The following PEPD variants were observed in gnomAD, a reference collection of about 807,000 sequenced individuals.
The protein encoded by PEPD is xaa-Pro dipeptidase.
Under a neutral mutation model 60.7 loss-of-function variants are expected in PEPD, and 53 were observed. The ratio of observed to expected loss-of-function variants is 0.87; its 90% CI spans 0.70 to 1.10. The LOEUF is 1.10. Among genes scored for constraint, PEPD ranks in the 50% least tolerant of loss-of-function variants. The pLI is 0.00. For missense variants in PEPD, 711 were observed against 711.9 expected (o/e 1.00, Z 0.01); for synonymous variants, 267 against 284.1 (o/e 0.94, Z 0.60).
intron 9 of PEPD, among the ~76,000 whole-genome samples, chr19:33,440,007 G>A (rs1798356989): frequency 6.6e-6 from 1 of 152,284 alleles, no homozygotes; most frequent in South Asian, 2.1e-4. Flanking sequence ...TGTGAGCCAA[G>A]TGTCTGCCAG....
intron 6 of PEPD, among the ~76,000 whole-genome samples, chr19:33,485,221 C>T (rs551429198): frequency 2.2e-4 from 33 of 152,164 alleles, no homozygotes; most frequent in Middle Eastern, 3.4e-3. Context: ...TGGCTGGGCG[C>T]GCTGACTCAC....
At chr19:33,493,268 C>A (rs1343123683) in intron 5 of PEPD, 22 bp downstream of exon 5, 3 of 1,586,664 alleles carry the variant, frequency 1.9e-6, no homozygotes, top group Non-Finnish European at 2.6e-6. Context: ...CACTGCCCCA[C>A]CCCTGGACAC....
chr19:33,510,880 T>C (rs1966999227), intron 3 of PEPD, 148 bp downstream of exon 3: 1 of 796,776 alleles, frequency 1.3e-6, no homozygotes, highest in Non-Finnish European at 2.1e-6. Flanking sequence ...AGAGGCAGGC[T>C]GTGACAGCCC....
At chr19:33,484,176 T>C (rs1001468508) in intron 6 of PEPD, among the ~76,000 whole-genome samples, 3 of 152,178 alleles carry the variant, frequency 2.0e-5, no homozygotes, top group Non-Finnish European at 4.4e-5. Context: ...TTATGAAATA[T>C]CAAAGAGACT....
At chr19:33,470,133 G>A (rs1252919010) in intron 7 of PEPD, among the ~76,000 whole-genome samples, 1 of 151,876 alleles carries the variant, frequency 6.6e-6, no homozygotes, top group Non-Finnish European at 1.5e-5. Context: ...ACGGCCAAGG[G>A]CTGCCACTCC....
intron 9 of PEPD, among the ~76,000 whole-genome samples, chr19:33,461,428 G>A (rs1025600012): frequency 5.3e-5 from 8 of 152,146 alleles, no homozygotes; most frequent in African/African-American, 1.2e-4. Flanking sequence ...GGGCAGGGTC[G>A]GGCTCTGGGA....
chr19:33,446,574 G>C (rs1324665252), intron 9 of PEPD, among the ~76,000 whole-genome samples: 1 of 152,226 alleles, frequency 6.6e-6, no homozygotes, highest in Non-Finnish European at 1.5e-5. Flanking sequence ...GGGTGGCCGA[G>C]AGCCCCACAG....
Position 33,401,846 on chromosome 19 carries a change from TACTC to T in PEPD, c.838_841del (p.Glu280IlefsTer40). The T allele has an allele frequency of 6.2e-7, 1 of 1,613,192 alleles. No individual in the cohort carries two copies. Among genetic ancestry groups the T allele is most frequent in the Non-Finnish European group, 8.5e-7 (1 of 1,179,942 alleles). ...GGTGATGTCGGAAGCGAAGCAGTAA[TACTC>T]ACCGCCCATGTCGAACAGGCTGCGG... On this transcript the variant is annotated frameshift_variant, in exon 12 of 15. Transcript: ENST00000244137. LOFTEE classifies it high-confidence loss of function.
chr19:33,430,617 G>A (rs902558142), intron 9 of PEPD, among the ~76,000 whole-genome samples: 1 of 152,188 alleles, frequency 6.6e-6, no homozygotes, highest in South Asian at 2.1e-4. Flanking sequence ...GTTCTGTACT[G>A]ACTGGATTTC....
chr19:33,412,055 A>G (rs1042060140), intron 10 of PEPD, among the ~76,000 whole-genome samples: 1 of 152,222 alleles, frequency 6.6e-6, no homozygotes. Flanking sequence ...TGTAAAACTT[A>G]GCAATGGGCC....
At position 33,444,162 on chromosome 19, in the gene PEPD, G is replaced by A. The variant is rs1395042661; in HGVS notation, c.671+18833C>T. 3.9e-5 allele frequency among the ~76,000 whole-genome samples: 6 copies of A among 152,210 alleles called. No individual in the cohort carries two copies. In the South Asian group the frequency reaches 6.2e-4, roughly 16 times the overall value. ...ATCACACGCACATGCACACACACAC[G>A]CTGTATGTCCTCTGGCAGGCAGGGA... is the stretch of plus-strand genomic sequence containing the variant. On this transcript the variant is annotated intron_variant, in intron 9 of 14. Transcript: ENST00000244137.
chr19:33,475,204 G>C (rs1004200186), intron 7 of PEPD, among the ~76,000 whole-genome samples: 1 of 152,006 alleles, frequency 6.6e-6, no homozygotes, highest in African/African-American at 2.4e-5. Flanking sequence ...ACATGTGCCC[G>C]AGTTGATGGT....
At chr19:33,395,723 G>A (rs549329229) in intron 12 of PEPD, among the ~76,000 whole-genome samples, 4 of 152,332 alleles carry the variant, frequency 2.6e-5, no homozygotes, top group East Asian at 3.9e-4. Flanking sequence ...GGGCCTGACC[G>A]AGCTACAAAG....
intron 7 of PEPD, among the ~76,000 whole-genome samples, chr19:33,466,748 T>C (rs1046008738): frequency 2.7e-5 from 4 of 149,864 alleles, no homozygotes; most frequent in African/African-American, 9.8e-5. Context: ...ATGTTGCTTT[T>C]GTACTAATGA....
chr19:33,396,010 C>A (rs1043187815), intron 12 of PEPD: 18 of 152,436 alleles, frequency 1.2e-4, no homozygotes, highest in African/African-American at 4.3e-4. Context: ...TGTGTTGGCC[C>A]AGGCTGCTCC....
intron 6 of PEPD, among the ~76,000 whole-genome samples, chr19:33,479,596 A>G (rs1324308822): frequency 6.6e-6 from 1 of 152,044 alleles, no homozygotes; most frequent in Non-Finnish European, 1.5e-5. Context: ...AATAGGCCCC[A>G]GTGTGTGTTG....
intron 14 of PEPD, 150 bp downstream of exon 14, chr19:33,387,740 C>T: frequency 1.3e-6 from 1 of 786,628 alleles, no homozygotes. Context: ...GGGTGAGGCT[C>T]CATCCTGTGA....
chr19:33,518,969 T>C (rs977047337), intron 1 of PEPD, among the ~76,000 whole-genome samples: 13 of 152,104 alleles, frequency 8.5e-5, no homozygotes, highest in Admixed American at 7.2e-4. Flanking sequence ...ACAAGAACAT[T>C]CCAGGGCTAG....
At chr19:33,497,261 A>G in intron 4 of PEPD, among the ~76,000 whole-genome samples, 1 of 152,182 alleles carries the variant, frequency 6.6e-6, no homozygotes, top group South Asian at 2.1e-4. Flanking sequence ...GTCCTCTTAC[A>G]TCTGTCCTGC....
Sources: gnomAD v4.1 joint callset for allele counts (sites outside exome capture counted in the v4.1 genomes callset) on GRCh38, gnomAD v4.1.1 for gene constraint, MANE v1.5 for transcripts, NCBI Gene and HGNC (gene_info 2026-07-23, HGNC 2026-07-21) for gene names.